Variants in CCDC185 observed in about 807,000 individuals in gnomAD.
The protein encoded by CCDC185 is coiled-coil domain containing 185.
For synonymous variants in CCDC185, 381 were observed against 348.1 expected (o/e 1.09, Z -1.05); for missense variants, 982 against 825.3 (o/e 1.19, Z -2.33).
rs1250936223 is a variant in CCDC185, at chr1:223,393,485, T to C, written c.10T>C (p.Phe4Leu). The C allele has an allele frequency of 6.7e-7, 1 of 1,488,950 alleles. No homozygotes were observed. Among genetic ancestry groups the C allele is most frequent in the Non-Finnish European group, 8.9e-7 (1 of 1,120,548 alleles). 92.2% of individuals were successfully genotyped at this position (1,488,950 alleles called of 1,614,324 possible). ...GTGCCCAGAGGGAGGGATGGCAGGCTTCAGCCACTTCTCCCAGCCGCCCTA... is the reference window on the plus strand; with the variant it reads ...GTGCCCAGAGGGAGGGATGGCAGGCCTCAGCCACTTCTCCCAGCCGCCCTA... MAGFSHFSQPPYRD... is the reference protein window; with the variant it reads MAGLSHFSQPPYRD... The change falls in exon 1 of 1, where the codon TTC becomes CTC. Residue 4 changes from phenylalanine to leucine, a missense_variant. By Grantham distance (22) the Phe-to-Leu change is conservative. Coordinates refer to ENST00000366875, the MANE Select transcript of CCDC185 (RefSeq NM_152610.3). This position sits in a 1 kb window ranked among gnomAD's most constrained non-coding sequence, Gnocchi z 4.8.
Position 223,394,068 on chromosome 1 carries a change from A to G in CCDC185, c.593A>G (p.Gln198Arg). Residue 198 changes from glutamine to arginine, a missense_variant, in exon 1 of 1, where the codon CAA (glutamine) becomes CGA (arginine). Physicochemically the swap from Gln to Arg is conservative, Grantham distance 43. Transcript: ENST00000366875. ...VPSERSSVPS[Q>R]KFKRHSACVC... ...TCGGAGCGGTCTTCTGTGCCCTCGC[A>G]AAAGTTCAAGAGGCACTCAGCCTGC... 6.2e-7 allele frequency: 1 copy of G among 1,614,158 alleles called. No individual in the cohort carries two copies. Among genetic ancestry groups the G allele is most frequent in the African/African-American group, 1.3e-5 (1 of 75,074 alleles).
Position 223,395,335 on chromosome 1 carries a change from C to G in CCDC185, c.1860C>G (p.Asn620Lys). 1 of 1,516,442 alleles carries G rather than the reference C, an allele frequency of 6.6e-7. No homozygotes were observed. The highest frequency in any genetic ancestry group is 1.4e-5 in the African/African-American group (1 of 71,756). The allele number at this position is 1,516,442 out of a possible 1,614,324, so 93.9% of individuals were successfully genotyped here. A position where few individuals can be genotyped will look rare whatever the true frequency, so the allele number is the denominator to read the frequency against. The change falls in exon 1 of 1, where the codon AAC becomes AAG. Residue 620 changes from asparagine to lysine, a missense_variant. Transcript: ENST00000366875. ...CCCAGCTCCGTGCCTGTCAGCAGAA[C>G]AGGGGTTACTGAGAACCAAGGACGC... ...LEAQLRACQQ[N>K]RGY is the part of the protein sequence containing the mutation.
rs764777306 is a variant in CCDC185 at position 223,394,497 on chromosome 1, C to G, written c.1022C>G (p.Pro341Arg). ...GACAGCCAGAGGAAGAACGTGCCCC[C>G]GGGGGAAAGCCGGTGGAAGGAGCAA... Reference protein sequence around the residue: ...RRDSQRKNVPPGESRWKEQPE... With the variant: ...RRDSQRKNVPRGESRWKEQPE... Residue 341 changes from proline (P) to arginine (R), a missense_variant, in exon 1 of 1, where the codon CCG (proline) becomes CGG (arginine). Physicochemically the swap from Pro to Arg is moderately radical, Grantham distance 103. Coordinates refer to ENST00000366875, the MANE Select transcript of CCDC185 (RefSeq NM_152610.3). 2.4e-5 allele frequency: 38 copies of G among 1,584,558 alleles called. No homozygotes were observed. The Middle Eastern group carries it at 1.0e-3, about 42-fold the overall frequency.
chr1:223,394,939 C>G lies in CCDC185; in HGVS notation c.1464C>G (p.Ala488=). The part of the protein sequence containing the change: ...AQKEEEQLQQ[A]RWRAGESEEQ... ...AGGAGGAAGAGCAGTTGCAGCAGGC[C>G]AGGTGGCGCGCAGGGGAGTCAGAGG... is the stretch of plus-strand genomic sequence containing the variant. The change falls in exon 1 of 1, where the codon GCC becomes GCG. Residue 488 remains alanine (A), a synonymous_variant. Coordinates refer to ENST00000366875, the MANE Select transcript of CCDC185 (RefSeq NM_152610.3). The G allele has an allele frequency of 6.2e-7, 1 of 1,614,162 alleles. No homozygotes were observed. Among genetic ancestry groups the G allele is most frequent in the South Asian group, 1.1e-5 (1 of 91,078 alleles).
rs1021776397 is a variant in CCDC185 at position 223,394,946 on chromosome 1, C to G, written c.1471C>G (p.Arg491Gly). ...EEEQLQQARW[R>G]AGESEEQRKM... ...AGAGCAGTTGCAGCAGGCCAGGTGG[C>G]GCGCAGGGGAGTCAGAGGAACAGAG... Residue 491 changes from arginine (R) to glycine (G), a missense_variant, in exon 1 of 1, where the codon CGC becomes GGC. Physicochemically the swap from Arg to Gly is moderately radical, Grantham distance 125 (BLOSUM62 -2). Transcript: ENST00000366875. The G allele has an allele frequency of 1.9e-6, 3 of 1,614,088 alleles. No individual in the cohort carries two copies. Among genetic ancestry groups the G allele is most frequent in the East Asian group, 2.2e-5 (1 of 44,870 alleles).
rs1669610853 is a variant in CCDC185, at chr1:223,394,013, C to G, written c.538C>G (p.Leu180Val). ...DQWAVPLGRH[L>V]GRWSPSSVPS... ...GTGGGCAGTGCCACTCGGCAGACAT[C>G]TAGGTCGCTGGTCCCCTTCCTCAGT... The change falls in exon 1 of 1, where the codon CTA (leucine) becomes GTA (valine). Residue 180 changes from leucine to valine, a missense_variant. Leu to Val is a conservative substitution (Grantham distance 32, BLOSUM62 1). Coordinates refer to ENST00000366875, the MANE Select transcript of CCDC185 (RefSeq NM_152610.3). 6.2e-7 allele frequency: 1 copy of G among 1,614,002 alleles called. No homozygotes were observed. Among genetic ancestry groups the G allele is most frequent in the African/African-American group, 1.3e-5 (1 of 74,952 alleles).
chr1:223,393,446 G>T lies in CCDC185; in HGVS notation c.-30G>T. ...TCCTCGGGAGGTCTCAGGCCCCTTG[G>T]GCAGACGCTGCGCGTGCCCAGAGGG... On this transcript the variant is annotated 5_prime_UTR_variant, in exon 1 of 1. Coordinates refer to ENST00000366875, the MANE Select transcript of CCDC185 (RefSeq NM_152610.3). This position sits in a 1 kb window ranked among gnomAD's most constrained non-coding sequence, Gnocchi z 4.8. The T allele has an allele frequency of 7.0e-7, 1 of 1,434,156 alleles. No individual in the cohort carries two copies. The highest frequency in any genetic ancestry group is 2.7e-5 in the East Asian group (1 of 36,416). The allele number at this position is 1,434,156 out of a possible 1,614,324, so 88.8% of individuals were successfully genotyped here. A position where few individuals can be genotyped will look rare whatever the true frequency, so the allele number is the denominator to read the frequency against.
In CCDC185 at chr1:223,394,100, G is replaced by C; in HGVS notation, c.625G>C (p.Ala209Pro). Residue 209 changes from alanine to proline, a missense_variant, in exon 1 of 1, where the codon GCC becomes CCC. Coordinates refer to ENST00000366875, the MANE Select transcript of CCDC185 (RefSeq NM_152610.3). ...KFKRHSACVC[A>P]QKRDSSDQVE... Reference sequence around the variant, plus strand: ...CAAGAGGCACTCAGCCTGCGTGTGCGCCCAGAAGAGAGACAGCAGCGACCA... The same window carrying C: ...CAAGAGGCACTCAGCCTGCGTGTGCCCCCAGAAGAGAGACAGCAGCGACCA... The C allele has an allele frequency of 6.2e-7, 1 of 1,614,110 alleles. No homozygotes were observed. Among genetic ancestry groups the C allele is most frequent in the Non-Finnish European group, 8.5e-7 (1 of 1,180,024 alleles).
chr1:223,394,024 GT>G, the CCDC185 span: 1 of 1,614,172 alleles, frequency 6.2e-7, no homozygotes, highest in Admixed American at 1.7e-5. Flanking sequence ...TAGGTCGCTG[GT>G]CCCCTTCCTC....
rs768377934 is a variant in CCDC185 at position 223,395,089 on chromosome 1, G to C, written c.1614G>C (p.Leu538=). The part of the protein sequence containing the change: ...KVQHLRELNH[L]REKNHHILKL... ...AGCACCTCCGGGAGCTCAACCACCT[G>C]AGGGAGAAAAACCACCACATCCTGA... is the stretch of plus-strand genomic sequence containing the variant. The change falls in exon 1 of 1, where the codon CTG becomes CTC. Residue 538 remains leucine, a synonymous_variant. Transcript: ENST00000366875. The C allele has an allele frequency of 8.7e-6, 14 of 1,614,190 alleles. No individual in the cohort carries two copies. Among genetic ancestry groups the C allele is most frequent in the Non-Finnish European group, 1.1e-5 (13 of 1,180,034 alleles).
Position 223,394,386 on chromosome 1 carries a change from T to A in CCDC185, c.911T>A (p.Leu304Gln), listed in dbSNP as rs1669617642. ...VQMTLERERR[L>Q]LLRQSQEQWQ... ...ATGACCCTGGAGCGGGAGCGCCGGC[T>A]GCTGCTGCGGCAGAGCCAGGAGCAG... Residue 304 changes from leucine (L) to glutamine (Q), a missense_variant, in exon 1 of 1, where the codon CTG (leucine) becomes CAG (glutamine). Physicochemically the swap from Leu to Gln is moderately radical, Grantham distance 113. Coordinates refer to ENST00000366875, the MANE Select transcript of CCDC185 (RefSeq NM_152610.3). 3.6e-5 allele frequency: 57 copies of A among 1,571,218 alleles called. No homozygotes were observed. The highest frequency in any genetic ancestry group is 4.8e-5 in the Non-Finnish European group (56 of 1,158,712).
In CCDC185 at chr1:223,395,310, C is replaced by T. The variant is rs942078165; in HGVS notation, c.1835C>T (p.Ala612Val). The T allele has an allele frequency of 1.3e-6, 2 of 1,528,992 alleles. No individual in the cohort carries two copies. The highest frequency in any genetic ancestry group is 2.2e-5 in the Admixed American group (1 of 45,292). The allele number at this position is 1,528,992 out of a possible 1,614,324, so 94.7% of individuals were successfully genotyped here. A position where few individuals can be genotyped will look rare whatever the true frequency, so the allele number is the denominator to read the frequency against. Residue 612 changes from alanine (A) to valine (V), a missense_variant, in exon 1 of 1, where the codon GCC (alanine) becomes GTC (valine). Physicochemically the swap from Ala to Val is moderately conservative, Grantham distance 64 (BLOSUM62 0). Transcript: ENST00000366875. ...TCCCTTGATCAGATGGTACTAGAGGCCCAGCTCCGTGCCTGTCAGCAGAAC... is the reference window on the plus strand; with the variant it reads ...TCCCTTGATCAGATGGTACTAGAGGTCCAGCTCCGTGCCTGTCAGCAGAAC... ...NSSLDQMVLE[A>V]QLRACQQNRG...
chr1:223,393,709 A>G lies in CCDC185; in HGVS notation c.234A>G (p.Ser78=), dbSNP rs957849743. The change falls in exon 1 of 1, where the codon TCA becomes TCG. Residue 78 remains serine (S), a synonymous_variant. Coordinates refer to ENST00000366875, the MANE Select transcript of CCDC185 (RefSeq NM_152610.3). This position sits in a 1 kb window ranked among gnomAD's most constrained non-coding sequence, Gnocchi z 4.8. Reference sequence around the variant, plus strand: ...CTCGCAGGCGCGGGTGCTCAGATTCACTGCGGGGCAGCCGAAGCCTGAGCG... The same window carrying G: ...CTCGCAGGCGCGGGTGCTCAGATTCGCTGCGGGGCAGCCGAAGCCTGAGCG... The part of the protein sequence containing the change: ...PRPRRRGCSD[S]LRGSRSLSDV... The G allele has an allele frequency of 7.6e-6, 12 of 1,570,190 alleles. No individual in the cohort carries two copies. The highest frequency in any genetic ancestry group is 1.9e-5 in the Admixed American group (1 of 53,616).
Position 223,394,503 on chromosome 1 carries a change from A to G in CCDC185, c.1028A>G (p.Glu343Gly). 4 of 1,586,314 alleles carry G rather than the reference A, an allele frequency of 2.5e-6. No individual in the cohort carries two copies. Among genetic ancestry groups the G allele is most frequent in the Non-Finnish European group, 3.4e-6 (4 of 1,167,368 alleles). ...DSQRKNVPPG[E>G]SRWKEQPEDQ... ...CAGAGGAAGAACGTGCCCCCGGGGG[A>G]AAGCCGGTGGAAGGAGCAACCAGAG... Residue 343 changes from glutamate to glycine, a missense_variant, in exon 1 of 1, where the codon GAA becomes GGA. Coordinates refer to ENST00000366875, the MANE Select transcript of CCDC185 (RefSeq NM_152610.3).
At position 223,394,115 on chromosome 1, in the gene CCDC185, A is replaced by C; in HGVS notation, c.640A>C (p.Ser214Arg). ...CTGCGTGTGCGCCCAGAAGAGAGAC[A>C]GCAGCGACCAGGTTGAGTCATTAGC... is the stretch of plus-strand genomic sequence containing the variant. ...SACVCAQKRDSSDQVESLASR... is the reference protein window; with the variant it reads ...SACVCAQKRDRSDQVESLASR... Residue 214 changes from serine (S) to arginine (R), a missense_variant, in exon 1 of 1, where the codon AGC (serine) becomes CGC (arginine). By Grantham distance (110) the Ser-to-Arg change is moderately radical. Transcript: ENST00000366875. The C allele has an allele frequency of 6.2e-7, 1 of 1,614,094 alleles. No homozygotes were observed. Among genetic ancestry groups the C allele is most frequent in the Non-Finnish European group, 8.5e-7 (1 of 1,180,032 alleles).
chr1:223,393,560 C>T, the CCDC185 span: 1 of 1,554,014 alleles, frequency 6.4e-7, no homozygotes, highest in Non-Finnish European at 8.7e-7. The surrounding 1 kb of genome is among the most constrained non-coding windows in gnomAD (Gnocchi z 4.8). Context: ...AGAGTCCACG[C>T]AGCGGCTGGG....
In CCDC185 at chr1:223,393,610, G is replaced by A. The variant is rs1412252505; in HGVS notation, c.135G>A (p.Arg45=). The part of the protein sequence containing the change: ...RSGADSTACS[R]AGTPGAESEA... The stretch of plus-strand genomic sequence containing the variant: ...GAGCCGACTCCACCGCGTGCTCCCG[G>A]GCCGGGACTCCGGGTGCGGAGAGCG... The change falls in exon 1 of 1, where the codon CGG becomes CGA. Residue 45 remains arginine, a synonymous_variant. Transcript: ENST00000366875. This position sits in a 1 kb window ranked among gnomAD's most constrained non-coding sequence, Gnocchi z 4.8. 2.0e-6 allele frequency: 3 copies of A among 1,526,300 alleles called. No homozygotes were observed. The South Asian group carries it at 3.8e-5, about 19-fold the overall frequency. The allele number at this position is 1,526,300 out of a possible 1,614,324, so 94.5% of individuals were successfully genotyped here.
At position 223,395,383 on chromosome 1, in the gene CCDC185, AAGG is replaced by A. The variant is rs1669653514; in HGVS notation, c.*39_*41del. The A allele has an allele frequency of 6.8e-6, 10 of 1,472,448 alleles. No individual in the cohort carries two copies. Among genetic ancestry groups the A allele is most frequent in the Non-Finnish European group, 8.1e-6 (9 of 1,110,466 alleles). The allele number at this position is 1,472,448 out of a possible 1,614,324, so 91.2% of individuals were successfully genotyped here. A position where few individuals can be genotyped will look rare whatever the true frequency, so the allele number is the denominator to read the frequency against. ...CGCCTGGCTTACAGTGCGCAGCCAG[AAGG>A]AGATGTGGCAATGTGATTCCTTTTG... is the stretch of plus-strand genomic sequence containing the variant. On this transcript the variant is annotated 3_prime_UTR_variant, in exon 1 of 1. Transcript: ENST00000366875.
At chr1:223,395,275 TC>T in the CCDC185 span, 2 of 1,568,238 alleles carry the variant, frequency 1.3e-6, no homozygotes, top group African/African-American at 1.4e-5. Context: ...AGAGAGCGCC[TC>T]CCAACAGCTC....
Sources: allele counts gnomAD v4.1 joint callset, GRCh38; gene constraint gnomAD v4.1.1; non-coding constraint Gnocchi (gnomAD v3.1); transcripts MANE v1.5; gene names NCBI Gene and HGNC (gene_info 2026-07-23, HGNC 2026-07-21).